The following SLC38A11 variants were observed in gnomAD, a reference collection of about 807,000 sequenced individuals.
The protein encoded by SLC38A11 is putative sodium-coupled neutral amino acid transporter 11.
A neutral mutation model predicts 49.4 loss-of-function variants in SLC38A11; 51 were observed. That is an observed-to-expected ratio of 1.03 (90% confidence interval 0.83 to 1.30). SLC38A11 has a LOEUF of 1.30. SLC38A11 is among the 50% of genes most tolerant of loss of function. SLC38A11 has a pLI of 0.00. For synonymous variants in SLC38A11, 203 were observed against 192.9 expected, an observed-to-expected ratio of 1.05 and a Z score of -0.43; for missense variants, 574 against 556.2, an observed-to-expected ratio of 1.03 and a Z score of -0.32.
chr2:164,951,152 C>T (rs10497252), intron 3 of SLC38A11, among the ~76,000 whole-genome samples: 66,794 of 151,928 alleles, frequency 0.44, 15,108 homozygotes, highest in South Asian at 0.68. Flanking sequence ...ATGTATAATA[C>T]GACTTGGCTT....
chr2:164,920,837 A>C (rs892966059), intron 7 of SLC38A11, among the ~76,000 whole-genome samples: 2 of 152,146 alleles, frequency 1.3e-5, no homozygotes, highest in Non-Finnish European at 2.9e-5. Context: ...TGAGAAAGCA[A>C]TCTGTCTAGA....
chr2:164,924,592 A>T (rs917360900), intron 7 of SLC38A11, among the ~76,000 whole-genome samples: 2 of 152,192 alleles, frequency 1.3e-5, no homozygotes, highest in East Asian at 1.9e-4. Context: ...ATTTCTAATT[A>T]AAAAAGACAA....
At chr2:164,936,886 T>C (rs1265908911) in intron 7 of SLC38A11, among the ~76,000 whole-genome samples, 1 of 152,212 alleles carries the variant, frequency 6.6e-6, no homozygotes, top group Non-Finnish European at 1.5e-5. Flanking sequence ...TATCAGTTTT[T>C]ATCCTTAGTT....
chr2:164,915,814 G>T, intron 8 of SLC38A11, 89 bp downstream of exon 8: 1 of 950,496 alleles, frequency 1.1e-6, no homozygotes, highest in Non-Finnish European at 1.6e-6. Flanking sequence ...TAGGACATCT[G>T]CTATCCAGAC....
At chr2:164,930,273 C>G (rs920244617) in intron 7 of SLC38A11, among the ~76,000 whole-genome samples, 7 of 151,910 alleles carry the variant, frequency 4.6e-5, no homozygotes, top group East Asian at 1.9e-4. Context: ...GCCTACCAAC[C>G]AAAATAAGCC....
In SLC38A11 at chr2:164,955,381, CG is replaced by C. The variant is rs1688781481; in HGVS notation, c.-135del. On this transcript the variant is annotated 5_prime_UTR_variant, in exon 1 of 12. Transcript: ENST00000685975. Reference sequence around the variant, plus strand: ...GCAGAGCTGCAGGGAGCCAGTTCCACGGGCGCCCCCTGCTCCCTCGGCAGGC... The same window carrying C: ...GCAGAGCTGCAGGGAGCCAGTTCCACGGCGCCCCCTGCTCCCTCGGCAGGC... The C allele has an allele frequency of 1.2e-6, 1 of 824,560 alleles. No individual in the cohort carries two copies. The highest frequency in any genetic ancestry group is 1.7e-5 in the African/African-American group (1 of 58,246). The allele number at this position is 824,560 out of a possible 1,614,324, so 51.1% of individuals were successfully genotyped here. A position where few individuals can be genotyped will look rare whatever the true frequency, so the allele number is the denominator to read the frequency against.
intron 7 of SLC38A11, among the ~76,000 whole-genome samples, chr2:164,929,139 A>G (rs994946381): frequency 1.2e-4 from 19 of 152,118 alleles, no homozygotes; most frequent in African/African-American, 4.6e-4. Flanking sequence ...GGATATTCCA[A>G]ATTCACTTTC....
At chr2:164,934,428 A>C (rs1687216932) in intron 7 of SLC38A11, among the ~76,000 whole-genome samples, 1 of 152,166 alleles carries the variant, frequency 6.6e-6, no homozygotes, top group Admixed American at 6.6e-5. Flanking sequence ...TGTTCATAGA[A>C]TCTCCAATGG....
chr2:164,920,175 G>A (rs1686085077), intron 7 of SLC38A11, among the ~76,000 whole-genome samples: 1 of 151,736 alleles, frequency 6.6e-6, no homozygotes, highest in African/African-American at 2.4e-5. Context: ...TCAAGAGACT[G>A]AGGCAGGAGA....
intron 7 of SLC38A11, among the ~76,000 whole-genome samples, chr2:164,924,068 G>A (rs1449734966): frequency 6.6e-6 from 1 of 151,990 alleles, no homozygotes; most frequent in Non-Finnish European, 1.5e-5. Context: ...ATCAACCTAG[G>A]TGCCCATCAA....
chr2:164,945,255 CTTT>C (rs35471502), intron 4 of SLC38A11, among the ~76,000 whole-genome samples: 1 of 138,638 alleles, frequency 7.2e-6, no homozygotes. Context: ...AAATCCTTTG[CTTT>C]TTTTTTTTTT....
chr2:164,929,017 T>A (rs1043169150), intron 7 of SLC38A11, among the ~76,000 whole-genome samples: 48 of 152,236 alleles, frequency 3.2e-4, no homozygotes, highest in African/African-American at 1.2e-3. Flanking sequence ...AAAGATGGTA[T>A]TTTTTTAGAG....
intron 11 of SLC38A11, among the ~76,000 whole-genome samples, chr2:164,905,375 G>T (rs891893395): frequency 1.3e-5 from 2 of 151,948 alleles, no homozygotes; most frequent in South Asian, 4.1e-4. Flanking sequence ...CAGGTGATCC[G>T]CCTGCTTTGG....
In SLC38A11 at chr2:164,945,606, C is replaced by A. The variant is rs1408140015; in HGVS notation, c.351G>T (p.Leu117Phe). 1.1e-5 allele frequency: 17 copies of A among 1,595,440 alleles called. No individual in the cohort carries two copies. The highest frequency in any genetic ancestry group is 1.4e-5 in the African/African-American group (1 of 73,460). The stretch of plus-strand genomic sequence containing the variant: ...CAGTCAACTTACCTATAAAAGGATA[C>A]AAAAACTGAAGAACAGAGAGGAGCA... Reference protein sequence around the residue: ...GYLLLSVLQFLYPFIAMISYN... With the variant: ...GYLLLSVLQFFYPFIAMISYN... The change falls in exon 4 of 12, where the codon TTG becomes TTT. Residue 117 changes from leucine to phenylalanine, a missense_variant. Coordinates refer to ENST00000685975, the MANE Select transcript of SLC38A11 (RefSeq NM_001351537.2).
Position 164,897,979 on chromosome 2 carries a change from G to A in SLC38A11, c.*458C>T, listed in dbSNP as rs964841476. The A allele has an allele frequency of 1.3e-5, 2 of 153,330 alleles. No individual in the cohort carries two copies. Among genetic ancestry groups the A allele is most frequent in the African/African-American group, 4.8e-5 (2 of 41,324 alleles). The allele number at this position is 153,330 out of a possible 1,614,324, so 9.5% of individuals were successfully genotyped here. On this transcript the variant is annotated 3_prime_UTR_variant, in exon 12 of 12. Coordinates refer to ENST00000685975, the MANE Select transcript of SLC38A11 (RefSeq NM_001351537.2). ...AACGGAGAGCTCCTCTTTGTTCTTGGGATATGTCTTCTTTTCAATCGTTTT... is the reference window on the plus strand; with the variant it reads ...AACGGAGAGCTCCTCTTTGTTCTTGAGATATGTCTTCTTTTCAATCGTTTT...
At chr2:164,940,968 C>G (rs1239273818) in intron 5 of SLC38A11, among the ~76,000 whole-genome samples, 1 of 151,944 alleles carries the variant, frequency 6.6e-6, no homozygotes, top group Non-Finnish European at 1.5e-5. Flanking sequence ...ATTTGTGTAT[C>G]TATTTCTATT....
Position 164,911,691 on chromosome 2 carries a change from C to T in SLC38A11, c.908G>A (p.Cys303Tyr). ...TGTCAAAATGACAGTGACACCATAACAAAATCTTCCAAATGTTACCAGGTC... is the reference window on the plus strand; with the variant it reads ...TGTCAAAATGACAGTGACACCATAATAAAATCTTCCAAATGTTACCAGGTC... Reference protein sequence around the residue: ...NDDLVTFGRFCYGVTVILTYP... With the variant: ...NDDLVTFGRFYYGVTVILTYP... Residue 303 changes from cysteine (C) to tyrosine (Y), a missense_variant, in exon 10 of 12, where the codon TGT becomes TAT. Cys to Tyr is a radical substitution (Grantham distance 194). Coordinates refer to ENST00000685975, the MANE Select transcript of SLC38A11 (RefSeq NM_001351537.2). The T allele has an allele frequency of 6.2e-7, 1 of 1,607,642 alleles. No individual in the cohort carries two copies. Among genetic ancestry groups the T allele is most frequent in the African/African-American group, 1.3e-5 (1 of 74,784 alleles).
rs1687984067 is a variant in SLC38A11 at position 164,944,576 on chromosome 2, G to T, written c.423C>A (p.Ile141=). The T allele has an allele frequency of 7.5e-7, 1 of 1,329,558 alleles. No individual in the cohort carries two copies. The allele number at this position is 1,329,558 out of a possible 1,614,324, so 82.4% of individuals were successfully genotyped here. The stretch of plus-strand genomic sequence containing the variant: ...ATTTTTATTTTGGCTTACCTCCTGG[G>T]ATTCTTTGAAAAACTTTGCTCAAAG... ...GDTLSKVFQR[I]PGVDPENVFI... Residue 141 remains isoleucine, a synonymous_variant, in exon 5 of 12, where the codon ATC becomes ATA. Transcript: ENST00000685975.
intron 3 of SLC38A11, among the ~76,000 whole-genome samples, chr2:164,951,069 G>A (rs1688491990): frequency 6.6e-6 from 1 of 152,028 alleles, no homozygotes; most frequent in South Asian, 2.1e-4. Flanking sequence ...ATTTGCAAAG[G>A]ACTTCTCACA....
Sources: gnomAD v4.1 joint callset for allele counts (sites outside exome capture counted in the v4.1 genomes callset) on GRCh38, gnomAD v4.1.1 for gene constraint, MANE v1.5 for transcripts, NCBI Gene and HGNC (gene_info 2026-07-23, HGNC 2026-07-21) for gene names.